The following UPF2 variants were observed in gnomAD, a reference collection of about 807,000 sequenced individuals.
The protein encoded by UPF2 is UPF2 regulator of nonsense mediated mRNA decay.
In UPF2, 17 loss-of-function variants were observed where a neutral mutation model predicts 141.4. That is an observed-to-expected ratio of 0.12 (90% confidence interval 0.08 to 0.18). The LOEUF is 0.18. Among genes scored for constraint, UPF2 ranks in the 10% least tolerant of loss-of-function variants. The pLI is 1.00. For synonymous variants in UPF2, 540 were observed against 498.0 expected, an observed-to-expected ratio of 1.08 and a Z score of -1.12; for missense variants, 1,152 against 1,515.9, an observed-to-expected ratio of 0.76 and a Z score of 3.99.
chr10:12,010,176 C>T (rs564399939), intron 4 of UPF2, among the ~76,000 whole-genome samples: 10 of 152,266 alleles, frequency 6.6e-5, no homozygotes, highest in South Asian at 2.1e-4. Flanking sequence ...CCCAGGATGA[C>T]GCTTAATGAT....
chr10:11,971,258 CTTT>C (rs11289857), intron 9 of UPF2, among the ~76,000 whole-genome samples: 26 of 129,408 alleles, frequency 2.0e-4, no homozygotes, highest in Non-Finnish European at 2.4e-4. Flanking sequence ...TCATTTCTTT[CTTT>C]TTTTTTTTTT....
intron 3 of UPF2, among the ~76,000 whole-genome samples, chr10:12,015,477 G>A (rs939601647): frequency 5.9e-5 from 9 of 152,164 alleles, no homozygotes; most frequent in Admixed American, 5.9e-4. Flanking sequence ...CGAGGCAGGC[G>A]GATCACCTGA....
Position 11,940,626 on chromosome 10 carries a change from C to T in UPF2, c.3378+2039G>A, listed in dbSNP as rs558041238. Among the ~76,000 whole-genome samples, 1 of 152,324 alleles carries T rather than the reference C, an allele frequency of 6.6e-6. No individual in the cohort carries two copies. The highest frequency in any genetic ancestry group is 6.5e-5 in the Admixed American group (1 of 15,302). Reference sequence around the variant, plus strand: ...CATCTTTGATGCCTCACCCCCTACACACCCATATCCAATCCAGCGCCAAAT... The same window carrying T: ...CATCTTTGATGCCTCACCCCCTACATACCCATATCCAATCCAGCGCCAAAT... On this transcript the variant is annotated intron_variant, in intron 18 of 21. Transcript: ENST00000357604. The surrounding 1 kb of genome is among the most constrained non-coding windows in gnomAD (Gnocchi z 4.2).
At chr10:11,990,878 C>T (rs1283223536) in intron 8 of UPF2, among the ~76,000 whole-genome samples, 5 of 150,444 alleles carry the variant, frequency 3.3e-5, no homozygotes, top group African/African-American at 4.9e-5. Context: ...GTGTCAGCTA[C>T]TTGGTAGGCT....
At chr10:12,036,590 C>CA (rs1185214298) in intron 1 of UPF2, among the ~76,000 whole-genome samples, 19 of 152,236 alleles carry the variant, frequency 1.2e-4, no homozygotes, top group Middle Eastern at 3.4e-3. Flanking sequence ...AACTGTGGAA[C>CA]AAAAAACTAT....
At chr10:12,039,788 T>C (rs928758970) in intron 1 of UPF2, among the ~76,000 whole-genome samples, 1 of 151,894 alleles carries the variant, frequency 6.6e-6, no homozygotes, top group Non-Finnish European at 1.5e-5. Context: ...GCCCGGCTAA[T>C]TTTGTATTTT....
chr10:11,974,651 T>G (rs1276734597), intron 9 of UPF2, among the ~76,000 whole-genome samples: 1 of 152,220 alleles, frequency 6.6e-6, no homozygotes, highest in East Asian at 1.9e-4. Context: ...GGTTTTTGTC[T>G]TTGGTTCTGT....
At chr10:11,969,158 A>G (rs2062982) in intron 9 of UPF2, among the ~76,000 whole-genome samples, 86,300 of 151,506 alleles carry the variant, frequency 0.57, 26,656 homozygotes, top group East Asian at 0.85. Flanking sequence ...CACCACAATC[A>G]GCCTAGAACT....
At chr10:11,967,534 G>C (rs770052984) in intron 9 of UPF2, 80 bp from the exon 10 acceptor site, 3 of 582,318 alleles carry the variant, frequency 5.2e-6, no homozygotes, top group Non-Finnish European at 8.3e-6. Context: ...TAATGCATTC[G>C]AATTCACTCC....
In UPF2 at chr10:11,979,636, G is replaced by A. The variant is rs549976422; in HGVS notation, c.1845-471C>T. Among the ~76,000 whole-genome samples the A allele has an allele frequency of 2.5e-4, 38 of 152,328 alleles. No homozygotes were observed. In the East Asian group the frequency reaches 6.9e-3, roughly 28 times the overall value. ...AAAGGTAATCAATAGGCTGGGCGTG[G>A]TAGCTCACGCCTGTAATCCCAGCAC... On this transcript the variant is annotated intron_variant, in intron 8 of 21. Coordinates refer to ENST00000357604, the MANE Select transcript of UPF2 (RefSeq NM_015542.4). The surrounding 1 kb of genome is among the most constrained non-coding windows in gnomAD (Gnocchi z 6.2).
In UPF2 at chr10:11,953,879, C is replaced by A. The variant is rs1320168369; in HGVS notation, c.2850+1353G>T. 2.0e-5 allele frequency among the ~76,000 whole-genome samples: 3 copies of A among 152,174 alleles called. No individual in the cohort carries two copies. Among genetic ancestry groups the A allele is most frequent in the African/African-American group, 7.2e-5 (3 of 41,442 alleles). On this transcript the variant is annotated intron_variant, in intron 14 of 21. Coordinates refer to ENST00000357604, the MANE Select transcript of UPF2 (RefSeq NM_015542.4). The surrounding 1 kb of genome is among the most constrained non-coding windows in gnomAD (Gnocchi z 5.0). Reference sequence around the variant, plus strand: ...GCAATTCCCGAAGAATATTTACCCCCAACTTAACACACGCCACCATGTGGA... The same window carrying A: ...GCAATTCCCGAAGAATATTTACCCCAAACTTAACACACGCCACCATGTGGA...
At position 11,940,748 on chromosome 10, in the gene UPF2, A is replaced by C. The variant is rs1832926824; in HGVS notation, c.3378+1917T>G. Among the ~76,000 whole-genome samples, 1 of 152,162 alleles carries C rather than the reference A, an allele frequency of 6.6e-6. No individual in the cohort carries two copies. On this transcript the variant is annotated intron_variant, in intron 18 of 21. Transcript: ENST00000357604. This position sits in a 1 kb window ranked among gnomAD's most constrained non-coding sequence, Gnocchi z 4.2. ...CAGCTGACTGTCATCTCTCACCTGAATCACTACAAAAGCCTTCTGTCCAGG... is the reference window on the plus strand; with the variant it reads ...CAGCTGACTGTCATCTCTCACCTGACTCACTACAAAAGCCTTCTGTCCAGG...
At position 11,929,885 on chromosome 10, in the gene UPF2, T is replaced by A. The variant is rs1832761535; in HGVS notation, c.3789A>T (p.Leu1263=). 1.2e-6 allele frequency: 2 copies of A among 1,614,236 alleles called. No individual in the cohort carries two copies. The highest frequency in any genetic ancestry group is 8.5e-7 in the Non-Finnish European group (1 of 1,180,048). Residue 1263 remains leucine (L), a synonymous_variant, in exon 21 of 22, where the codon CTA becomes CTT. Coordinates refer to ENST00000357604, the MANE Select transcript of UPF2 (RefSeq NM_015542.4). ...QHPKGAPNAD[L]IFKTGGRRR ...TTTACCTCCCACCAGTCTTAAAGAT[T>A]AGATCTGCATTAGGTGCTCCCTTCG...
chr10:11,973,039 G>A (rs1337561399), intron 9 of UPF2, among the ~76,000 whole-genome samples: 1 of 152,156 alleles, frequency 6.6e-6, no homozygotes, highest in African/African-American at 2.4e-5. Flanking sequence ...GTCCTCTCCA[G>A]CACCTGTTGT....
At chr10:12,021,379 A>AAAAAATT (rs112914825) in intron 3 of UPF2, among the ~76,000 whole-genome samples, 8 of 147,262 alleles carry the variant, frequency 5.4e-5, no homozygotes, top group East Asian at 2.1e-4. Flanking sequence ...AAAAAAAAAA[A>AAAAAATT]TTTTTTTAAA....
At chr10:11,972,845 C>T (rs990508530) in intron 9 of UPF2, among the ~76,000 whole-genome samples, 4 of 152,082 alleles carry the variant, frequency 2.6e-5, no homozygotes, top group African/African-American at 9.7e-5. Flanking sequence ...AATAAGCATA[C>T]GTGTGCGTGT....
intron 3 of UPF2, among the ~76,000 whole-genome samples, chr10:12,028,095 T>C (rs74116822): frequency 0.014 from 2,108 of 152,276 alleles, 47 homozygotes; most frequent in African/African-American, 0.048. Flanking sequence ...CACAGTAGTC[T>C]ACCATACCTT....
intron 3 of UPF2, among the ~76,000 whole-genome samples, chr10:12,017,331 C>T (rs1329804386): frequency 6.6e-6 from 1 of 152,192 alleles, no homozygotes; most frequent in Non-Finnish European, 1.5e-5. Flanking sequence ...AACAAACATC[C>T]AGTCCATTGA....
intron 18 of UPF2, among the ~76,000 whole-genome samples, chr10:11,938,854 T>G (rs965347751): frequency 0.16 from 6,116 of 38,212 alleles, 91 homozygotes; most frequent in South Asian, 0.22. Context: ...TTTTTTTTTG[T>G]TTTTTTTTTT....
Sources: gnomAD v4.1 joint callset for allele counts (sites outside exome capture counted in the v4.1 genomes callset) on GRCh38, gnomAD v4.1.1 for gene constraint, Gnocchi (gnomAD v3.1) non-coding constraint, MANE v1.5 for transcripts, NCBI Gene and HGNC (gene_info 2026-07-23, HGNC 2026-07-21) for gene names.